The following EHMT1 variants were observed in gnomAD, a reference collection of about 807,000 sequenced individuals.
The protein encoded by EHMT1 is euchromatic histone lysine methyltransferase 1.
A neutral mutation model predicts 147.2 loss-of-function variants in EHMT1; 15 were observed. The observed-to-expected ratio is 0.10, with a 90% confidence interval of 0.07 to 0.16. The LOEUF is 0.16. Among genes scored for constraint, EHMT1 ranks in the 10% least tolerant of loss-of-function variants. EHMT1 has a pLI of 1.00. For synonymous variants in EHMT1, 795 were observed against 709.6 expected (o/e 1.12, Z -1.91); for missense variants, 1,587 against 1,772.4 (o/e 0.90, Z 1.88).
chr9:137,736,689 G>C (rs1471498019), intron 4 of EHMT1, among the ~76,000 whole-genome samples: 1 of 152,186 alleles, frequency 6.6e-6, no homozygotes, highest in African/African-American at 2.4e-5. Flanking sequence ...TCAGGAGTTC[G>C]AGACCAGCCT....
At chr9:137,815,790 T>G in intron 22 of EHMT1, 157 bp from the exon 23 acceptor site, 3 of 701,784 alleles carry the variant, frequency 4.3e-6, no homozygotes, top group Non-Finnish European at 7.7e-6. Context: ...ACCGTACACA[T>G]GGAGTTTTTC....
At position 137,725,267 on chromosome 9, in the gene EHMT1, TGGCATTCGTTG is replaced by T; in HGVS notation, c.643-3077_643-3067del. Among the ~76,000 whole-genome samples the T allele has an allele frequency of 2.0e-5, 3 of 149,350 alleles. 1 individual carries two copies. In the Middle Eastern group the frequency reaches 0.011, roughly 526 times the overall value. ...GTGGGGCAGACATGTGGCCTTCGTGTGGCATTCGTTGGGCAGACGTGTGGCCTTCGTGTGGC... is the reference window on the plus strand; with the variant it reads ...GTGGGGCAGACATGTGGCCTTCGTGTGGCAGACGTGTGGCCTTCGTGTGGC... On this transcript the variant is annotated intron_variant, in intron 3 of 26. Coordinates refer to ENST00000460843, the MANE Select transcript of EHMT1 (RefSeq NM_024757.5).
chr9:137,821,580 C>T (rs1336008686), intron 25 of EHMT1, among the ~76,000 whole-genome samples: 2 of 152,132 alleles, frequency 1.3e-5, no homozygotes, highest in African/African-American at 4.8e-5. Context: ...AATCCTCCCA[C>T]CTTGGCTTCC....
At chr9:137,682,744 A>C (rs1942076037) in intron 1 of EHMT1, among the ~76,000 whole-genome samples, 1 of 152,166 alleles carries the variant, frequency 6.6e-6, no homozygotes, top group Non-Finnish European at 1.5e-5. Flanking sequence ...CCCCCTGAGG[A>C]TGACGGCTGC....
chr9:137,783,120 T>C (rs1330815528), intron 15 of EHMT1, among the ~76,000 whole-genome samples: 1 of 152,222 alleles, frequency 6.6e-6, no homozygotes, highest in Non-Finnish European at 1.5e-5. Flanking sequence ...TGTGGGTCTT[T>C]TTAGATCCAC....
At chr9:137,751,923 A>G (rs1949000859) in intron 6 of EHMT1, among the ~76,000 whole-genome samples, 1 of 152,126 alleles carries the variant, frequency 6.6e-6, no homozygotes, top group African/African-American at 2.4e-5. Flanking sequence ...TGGCCTCTGA[A>G]AATCTTTTTA....
intron 10 of EHMT1, among the ~76,000 whole-genome samples, chr9:137,769,545 A>G (rs1254217973): frequency 6.6e-6 from 1 of 150,796 alleles, no homozygotes; most frequent in African/African-American, 2.4e-5. Context: ...CCCAGCCCTT[A>G]AAGAGGTTAC....
At chr9:137,683,115 G>A (rs1942117963) in intron 1 of EHMT1, among the ~76,000 whole-genome samples, 1 of 152,240 alleles carries the variant, frequency 6.6e-6, no homozygotes, top group Non-Finnish European at 1.5e-5. Flanking sequence ...ACATGGGTTA[G>A]TTAGGTCACT....
At chr9:137,632,684 G>C (rs547580439) in intron 1 of EHMT1, among the ~76,000 whole-genome samples, 1 of 152,142 alleles carries the variant, frequency 6.6e-6, no homozygotes, top group Non-Finnish European at 1.5e-5. Context: ...GATTACAGGC[G>C]TGAGCCACTG....
chr9:137,627,398 G>C (rs1240977593), intron 1 of EHMT1, among the ~76,000 whole-genome samples: 1 of 151,562 alleles, frequency 6.6e-6, no homozygotes, highest in Non-Finnish European at 1.5e-5. Context: ...AAGTAGCTGG[G>C]ATTACAGGTG....
In EHMT1 at chr9:137,717,022, A is replaced by C. The variant is rs780621678; in HGVS notation, c.482A>C (p.Lys161Thr). The stretch of plus-strand genomic sequence containing the variant: ...AAAACCCTTCCTGGAGGGGCTGGCA[A>C]AGGCAGGACTCCAAGCGCTTTTCCC... Reference protein sequence around the residue: ...AAKTLPGGAGKGRTPSAFPQT... With the variant: ...AAKTLPGGAGTGRTPSAFPQT... Residue 161 changes from lysine (K) to threonine (T), a missense_variant, in exon 3 of 27, where the codon AAA becomes ACA. By Grantham distance (78) the Lys-to-Thr change is moderately conservative. Transcript: ENST00000460843. 6.2e-7 allele frequency: 1 copy of C among 1,606,548 alleles called. No individual in the cohort carries two copies. The highest frequency in any genetic ancestry group is 2.2e-5 in the East Asian group (1 of 44,734).
chr9:137,707,116 CG>C (rs1944334339), intron 1 of EHMT1, among the ~76,000 whole-genome samples: 1 of 152,232 alleles, frequency 6.6e-6, no homozygotes, highest in African/African-American at 2.4e-5. Context: ...TGAGCCAGCG[CG>C]CCTGGCCTAT....
In EHMT1 at chr9:137,776,591, A is replaced by T; in HGVS notation, c.1792-27A>T. 2 of 1,613,048 alleles carry T rather than the reference A, an allele frequency of 1.2e-6. No homozygotes were observed. The highest frequency in any genetic ancestry group is 1.7e-6 in the Non-Finnish European group (2 of 1,179,394). On this transcript the variant is annotated intron_variant, in intron 11 of 26. Transcript: ENST00000460843. This position sits in a 1 kb window ranked among gnomAD's most constrained non-coding sequence, Gnocchi z 4.4. ...AAATATTAACCCCAATTAAAACAAA[A>T]ATTTTTTTTTGTCCTCCCATTTTTA...
intron 25 of EHMT1, among the ~76,000 whole-genome samples, chr9:137,827,472 C>G (rs974886803): frequency 1.6e-4 from 24 of 152,228 alleles, no homozygotes; most frequent in African/African-American, 5.5e-4. Flanking sequence ...CCCTGTCCAC[C>G]TGAGCGCCAA....
At chr9:137,822,997 C>T (rs1315277287) in intron 25 of EHMT1, among the ~76,000 whole-genome samples, 1 of 151,864 alleles carries the variant, frequency 6.6e-6, no homozygotes, top group Non-Finnish European at 1.5e-5. Context: ...GTGGCACAAT[C>T]TCGGCTCACT....
intron 21 of EHMT1, 159 bp from the exon 22 acceptor site, chr9:137,814,272 G>A (rs1267051627): frequency 5.2e-6 from 4 of 770,318 alleles, no homozygotes; most frequent in Non-Finnish European, 9.0e-6. Flanking sequence ...GTTTCTGCCT[G>A]CACAGCCTTC....
At chr9:137,664,898 C>T (rs980806680) in intron 1 of EHMT1, 1 of 152,152 alleles carries the variant, frequency 6.6e-6, no homozygotes, top group Non-Finnish European at 1.5e-5. Flanking sequence ...AACCTGTGTA[C>T]TTAAAGAGGA....
chr9:137,632,282 G>A (rs1348921315), intron 1 of EHMT1, among the ~76,000 whole-genome samples: 1 of 152,198 alleles, frequency 6.6e-6, no homozygotes, highest in African/African-American at 2.4e-5. Flanking sequence ...TGGTGCAGTA[G>A]AATGGTGTTC....
At chr9:137,765,375 A>G (rs1039006785) in intron 10 of EHMT1, among the ~76,000 whole-genome samples, 3 of 151,090 alleles carry the variant, frequency 2.0e-5, no homozygotes, top group Non-Finnish European at 4.4e-5. Flanking sequence ...TCCCCTCTCC[A>G]CCTCCCTTTC....
Sources: allele counts gnomAD v4.1 joint callset (sites outside exome capture counted in the v4.1 genomes callset), GRCh38; gene constraint gnomAD v4.1.1; non-coding constraint Gnocchi (gnomAD v3.1); transcripts MANE v1.5; gene names NCBI Gene and HGNC (gene_info 2026-07-23, HGNC 2026-07-21).